Variants in EPHA4 observed in about 807,000 individuals in gnomAD.
EPHA4 encodes ephrin type-A receptor 4.
EPHA4 carries 19 observed loss-of-function variants against 108.3 expected under a neutral mutation model. That is an observed-to-expected ratio of 0.18 (90% CI 0.12 to 0.26). The LOEUF is 0.26. EPHA4 is among the 10% of genes least tolerant of loss of function. The pLI is 1.00. For synonymous variants in EPHA4, 449 were observed against 455.5 expected (o/e 0.99, Z 0.18); for missense variants, 917 against 1,254.0 (o/e 0.73, Z 4.06).
intron 3 of EPHA4, among the ~76,000 whole-genome samples, chr2:221,561,927 T>G (rs1357859333): frequency 6.6e-6 from 1 of 152,216 alleles, no homozygotes; most frequent in African/African-American, 2.4e-5. Context: ...GGCTCCTGTC[T>G]TACAAAACGG....
chr2:221,467,346 A>G (rs1374437178), intron 5 of EPHA4, among the ~76,000 whole-genome samples: 1 of 152,188 alleles, frequency 6.6e-6, no homozygotes, highest in East Asian at 1.9e-4. Flanking sequence ...ATTTCACAAT[A>G]AAAAGGTTAT....
At chr2:221,522,506 T>C (rs1158014790) in intron 3 of EPHA4, among the ~76,000 whole-genome samples, 1 of 152,160 alleles carries the variant, frequency 6.6e-6, no homozygotes, top group Non-Finnish European at 1.5e-5. Context: ...ACGACACCAC[T>C]CATTATTACA....
rs2303899 is a variant in EPHA4 at position 221,437,035 on chromosome 2, G to C, written c.2136+26C>G. ...GAGTTTTCTAAATACCAACATTCTT[G>C]GGTTTAATATAAAGTAGTCACATAC... is the stretch of plus-strand genomic sequence containing the variant. On this transcript the variant is annotated intron_variant, in intron 12 of 17. Transcript: ENST00000281821. The C allele has an allele frequency of 3.7e-4, 568 of 1,553,710 alleles. 5 individuals carry two copies. In the South Asian group the frequency reaches 5.1e-3, roughly 14 times the overall value.
chr2:221,551,332 G>GA (rs1284134514), intron 3 of EPHA4, among the ~76,000 whole-genome samples: 1 of 152,024 alleles, frequency 6.6e-6, no homozygotes, highest in Non-Finnish European at 1.5e-5. Context: ...GAAAATATTG[G>GA]AAAAACTCAA....
At chr2:221,446,061 T>A in intron 9 of EPHA4, 62 bp downstream of exon 9, 1 of 1,099,156 alleles carries the variant, frequency 9.1e-7, no homozygotes, top group Non-Finnish European at 1.3e-6. Context: ...TTTGAACATG[T>A]TTAAACTAGA....
chr2:221,530,866 G>A (rs1320827859), intron 3 of EPHA4, among the ~76,000 whole-genome samples: 4 of 152,052 alleles, frequency 2.6e-5, no homozygotes, highest in Admixed American at 2.6e-4. Flanking sequence ...CTGTGCTGTG[G>A]GCAAATGGGA....
intron 8 of EPHA4, among the ~76,000 whole-genome samples, chr2:221,447,482 G>C (rs1391628150): frequency 6.6e-6 from 1 of 152,122 alleles, no homozygotes; most frequent in Non-Finnish European, 1.5e-5. Context: ...GAGAGGCAGC[G>C]GATCCCGGTC....
rs1254867384 is a variant in EPHA4 at position 221,501,145 on chromosome 2, A to G, written c.851T>C (p.Leu284Pro). ...CTTGGCACAGGTGGCATCCGTGGAG[A>G]GAGCCTTGTAATATCCAATTTTGCA... ...QACKIGYYKA[L>P]STDATCAKCP... The change falls in exon 4 of 18, where the codon CTC becomes CCC. Residue 284 changes from leucine to proline, a missense_variant. Around this residue, in one of 3 missense-constraint regions of EPHA4, gnomAD observed 758 missense variants for 1,076.7 expected, o/e 0.70. Coordinates refer to ENST00000281821, the MANE Select transcript of EPHA4 (RefSeq NM_004438.5). 6.2e-7 allele frequency: 1 copy of G among 1,611,198 alleles called. No homozygotes were observed. The highest frequency in any genetic ancestry group is 8.5e-7 in the Non-Finnish European group (1 of 1,178,856).
At chr2:221,494,846 T>C (rs1033812171) in intron 4 of EPHA4, among the ~76,000 whole-genome samples, 1 of 151,894 alleles carries the variant, frequency 6.6e-6, no homozygotes, top group Non-Finnish European at 1.5e-5. Context: ...GGGAAAGAGC[T>C]AGTCATTCGT....
At chr2:221,523,962 GGAA>G (rs1357313335) in intron 3 of EPHA4, among the ~76,000 whole-genome samples, 9 of 151,856 alleles carry the variant, frequency 5.9e-5, no homozygotes, top group African/African-American at 2.2e-4. Context: ...TTAAATTGAT[GGAA>G]AAAGAGGGGA....
chr2:221,550,418 G>GAGAGAGAGAGAGAGAGAGAGAGA (rs370058097), intron 3 of EPHA4, among the ~76,000 whole-genome samples: 25 of 135,660 alleles, frequency 1.8e-4, no homozygotes, highest in African/African-American at 5.5e-4. Flanking sequence ...TGAGGAAAGG[G>GAGAGAGAGAGAGAGAGAGAGAGA]GAGAGAGAGA....
chr2:221,548,968 C>A (rs577353660), intron 3 of EPHA4, among the ~76,000 whole-genome samples: 181 of 152,190 alleles, frequency 1.2e-3, no homozygotes, highest in African/African-American at 4.2e-3. Flanking sequence ...CTACTAAATT[C>A]TCTATAACTC....
intron 4 of EPHA4, among the ~76,000 whole-genome samples, chr2:221,490,246 C>A (rs1692101862): frequency 7.0e-6 from 1 of 142,240 alleles, no homozygotes; most frequent in African/African-American, 2.6e-5. Context: ...ATGGCAATCA[C>A]ATGCTAAAAT....
chr2:221,436,374 C>T, intron 13 of EPHA4, 25 bp downstream of exon 13: 2 of 1,607,312 alleles, frequency 1.2e-6, no homozygotes, highest in Non-Finnish European at 1.7e-6. Context: ...AGAGTGAAAG[C>T]CCAGATGTCA....
In EPHA4 at chr2:221,425,755, A is replaced by G; in HGVS notation, c.*273T>C. 2 of 353,430 alleles carry G rather than the reference A, an allele frequency of 5.7e-6. No individual in the cohort carries two copies. Among genetic ancestry groups the G allele is most frequent in the South Asian group, 9.7e-5 (2 of 20,636 alleles). The allele number at this position is 353,430 out of a possible 1,614,324, so 21.9% of individuals were successfully genotyped here. On this transcript the variant is annotated 3_prime_UTR_variant, in exon 17 of 18. Transcript: ENST00000281821. The stretch of plus-strand genomic sequence containing the variant: ...AACTCAGAGGCAGTGTTCTATTTCT[A>G]TAGGTACATGTATTTTACAGACTGG...
At chr2:221,441,874 G>T (rs901821144) in intron 11 of EPHA4, among the ~76,000 whole-genome samples, 1 of 152,134 alleles carries the variant, frequency 6.6e-6, no homozygotes, top group Non-Finnish European at 1.5e-5. Flanking sequence ...TGATCCTCCT[G>T]CCTCAGCCTC....
chr2:221,545,509 C>G (rs529528443), intron 3 of EPHA4, among the ~76,000 whole-genome samples: 2 of 152,088 alleles, frequency 1.3e-5, no homozygotes, highest in Admixed American at 1.3e-4. Flanking sequence ...GGTGACCACC[C>G]TCCTTTCCTG....
At chr2:221,486,312 A>G (rs891805124) in intron 4 of EPHA4, among the ~76,000 whole-genome samples, 2 of 152,096 alleles carry the variant, frequency 1.3e-5, no homozygotes, top group African/African-American at 4.8e-5. Context: ...CCTTATGCTT[A>G]TGTCATTGTT....
At chr2:221,498,948 G>C (rs1376586540) in intron 4 of EPHA4, among the ~76,000 whole-genome samples, 1 of 151,608 alleles carries the variant, frequency 6.6e-6, no homozygotes, top group South Asian at 2.1e-4. Flanking sequence ...ACACCACCAC[G>C]CCTGTCTAAT....
Sources: allele counts gnomAD v4.1 joint callset (sites outside exome capture counted in the v4.1 genomes callset), GRCh38; gene constraint gnomAD v4.1.1; regional missense constraint gnomAD v4.1.1; transcripts MANE v1.5; gene names NCBI Gene and HGNC (gene_info 2026-07-23, HGNC 2026-07-21).